The following FUT8 variants were observed in gnomAD, a reference collection of about 807,000 sequenced individuals.
The protein encoded by FUT8 is fucosyltransferase 8, also known as alpha-(1,6)-fucosyltransferase.
In FUT8, 29 loss-of-function variants were observed where a neutral mutation model predicts 71.3. The ratio of observed to expected loss-of-function variants is 0.41; its 90% CI spans 0.30 to 0.55. The LOEUF (loss-of-function observed/expected upper bound fraction) is 0.55, where lower values mean the gene tolerates loss of function less well. FUT8 is among the 20% of genes least tolerant of loss of function. The pLI is 0.34. For synonymous variants in FUT8, 254 were observed against 239.3 expected (o/e 1.06, Z -0.57); for missense variants, 544 against 702.1 (o/e 0.77, Z 2.55).
chr14:65,622,936 GTCTC>G (rs1889701447), intron 5 of FUT8, among the ~76,000 whole-genome samples: 1 of 137,776 alleles, frequency 7.3e-6, no homozygotes, highest in Admixed American at 7.7e-5. Context: ...TTGAGGCAGT[GTCTC>G]TCTCTGTCAC....
intron 2 of FUT8, among the ~76,000 whole-genome samples, chr14:65,539,934 T>TA (rs1222905135): frequency 6.6e-6 from 1 of 152,182 alleles, no homozygotes; most frequent in East Asian, 1.9e-4. Context: ...GTAACTTGTA[T>TA]AAAACATATT....
chr14:65,439,954 G>GTGTACGTGTATATATA, intron 1 of FUT8, among the ~76,000 whole-genome samples: 1 of 74,984 alleles, frequency 1.3e-5, no homozygotes, highest in Non-Finnish European at 2.5e-5. Context: ...GTGTGTGTGT[G>GTGTACGTGTATATATA]TATATATATA....
chr14:65,416,038 C>T lies in FUT8; in HGVS notation c.-326+2824C>T, dbSNP rs2065214930. 2.0e-5 allele frequency among the ~76,000 whole-genome samples: 3 copies of T among 152,220 alleles called. No homozygotes were observed. In the South Asian group the frequency reaches 6.2e-4, roughly 32 times the overall value. ...GGGCTGTTTATTATCCATAGCTCTT[C>T]ATTATGTAAATAGAATCTCAATGCT... On this transcript the variant is annotated intron_variant, in intron 1 of 10. Transcript: ENST00000673929.
chr14:65,469,301 A>G (rs996312828), intron 2 of FUT8, among the ~76,000 whole-genome samples: 1 of 152,208 alleles, frequency 6.6e-6, no homozygotes, highest in Non-Finnish European at 1.5e-5. Flanking sequence ...TTGCCTTTAT[A>G]GTGCCTCATA....
intron 2 of FUT8, among the ~76,000 whole-genome samples, chr14:65,523,489 G>A (rs911591171): frequency 7.2e-5 from 11 of 152,062 alleles, no homozygotes; most frequent in African/African-American, 2.4e-4. Context: ...TTGTCAGATG[G>A]GTAGATTGCA....
the FUT8 span, among the ~76,000 whole-genome samples, chr14:65,393,449 G>A: frequency 3.3e-5 from 5 of 152,314 alleles, no homozygotes; most frequent in South Asian, 6.2e-4. Flanking sequence ...GGAGCTCTTC[G>A]CCTCATGCCA....
At chr14:65,699,348 A>G (rs1894170120) in intron 7 of FUT8, among the ~76,000 whole-genome samples, 1 of 152,162 alleles carries the variant, frequency 6.6e-6, no homozygotes, top group Admixed American at 6.5e-5. Flanking sequence ...ACTGGTCTGG[A>G]TTCTGACTCC....
At position 65,527,962 on chromosome 14, in the gene FUT8, G is replaced by C. The variant is rs766820006; in HGVS notation, c.-227-33375G>C. 3.3e-5 allele frequency among the ~76,000 whole-genome samples: 5 copies of C among 152,290 alleles called. No individual in the cohort carries two copies. In the East Asian group the frequency reaches 7.7e-4, roughly 24 times the overall value. ...TGTGAGGTGTCAGTCTGCCCCTACTGGGGGGTGCCTCCCAGTTAGGCTACT... is the reference window on the plus strand; with the variant it reads ...TGTGAGGTGTCAGTCTGCCCCTACTCGGGGGTGCCTCCCAGTTAGGCTACT... On this transcript the variant is annotated intron_variant, in intron 2 of 10. Transcript: ENST00000673929.
At chr14:65,602,225 A>G (rs1179445305) in intron 3 of FUT8, among the ~76,000 whole-genome samples, 1 of 148,812 alleles carries the variant, frequency 6.7e-6, no homozygotes, top group Non-Finnish European at 1.5e-5. Context: ...AGAACATAGG[A>G]TGTTTGGTTT....
At chr14:65,446,698 T>C (rs2065746945) in intron 1 of FUT8, among the ~76,000 whole-genome samples, 1 of 123,026 alleles carries the variant, frequency 8.1e-6, no homozygotes, top group African/African-American at 3.0e-5. Context: ...TTTTTTAACA[T>C]GTTTAGATTT....
chr14:65,673,606 A>C (rs905241439), intron 7 of FUT8, among the ~76,000 whole-genome samples: 1 of 152,216 alleles, frequency 6.6e-6, no homozygotes, highest in Non-Finnish European at 1.5e-5. Flanking sequence ...ACATGTAAAA[A>C]GACAGGCAAG....
chr14:65,596,906 G>T (rs543777807), intron 3 of FUT8, among the ~76,000 whole-genome samples: 1 of 152,126 alleles, frequency 6.6e-6, no homozygotes, highest in Non-Finnish European at 1.5e-5. Flanking sequence ...AGCATAATTC[G>T]TAAGAGGAAG....
the FUT8 span, among the ~76,000 whole-genome samples, chr14:65,392,491 G>A: frequency 5.9e-5 from 9 of 152,096 alleles, no homozygotes; most frequent in Non-Finnish European, 8.8e-5. Flanking sequence ...AAAATTTCTG[G>A]TGCTGTTGCC....
At chr14:65,486,783 G>T (rs1411239338) in intron 2 of FUT8, among the ~76,000 whole-genome samples, 2 of 152,184 alleles carry the variant, frequency 1.3e-5, no homozygotes, top group African/African-American at 4.8e-5. Flanking sequence ...TATCCCGAGG[G>T]TTGTAGTGAG....
intron 1 of FUT8, among the ~76,000 whole-genome samples, chr14:65,444,087 C>G (rs1484737130): frequency 6.6e-6 from 1 of 152,142 alleles, no homozygotes; most frequent in Non-Finnish European, 1.5e-5. Context: ...GAAAAGACAT[C>G]AAGCTTAGTT....
intron 2 of FUT8, among the ~76,000 whole-genome samples, chr14:65,539,600 G>A (rs1268835490): frequency 6.6e-6 from 1 of 151,992 alleles, no homozygotes; most frequent in Non-Finnish European, 1.5e-5. Context: ...GGATAATATG[G>A]GTACTTATTT....
At chr14:65,368,123 G>C in the FUT8 span, among the ~76,000 whole-genome samples, 4 of 146,104 alleles carry the variant, frequency 2.7e-5, no homozygotes, top group Admixed American at 2.1e-4. Context: ...GTGCGATCTC[G>C]GCTTACTGCA....
intron 7 of FUT8, among the ~76,000 whole-genome samples, chr14:65,682,013 A>G (rs1004446643): frequency 1.3e-5 from 2 of 152,218 alleles, no homozygotes; most frequent in Non-Finnish European, 2.9e-5. Flanking sequence ...TGACAGAGAC[A>G]TATGTGGCCT....
intron 10 of FUT8, among the ~76,000 whole-genome samples, chr14:65,740,472 A>G (rs1896441728): frequency 6.6e-6 from 1 of 152,050 alleles, no homozygotes; most frequent in African/African-American, 2.4e-5. Context: ...AGGCATCTCC[A>G]TTTGTATTAG....
Sources: allele counts gnomAD v4.1 joint callset (sites outside exome capture counted in the v4.1 genomes callset), GRCh38; gene constraint gnomAD v4.1.1; transcripts MANE v1.5; gene names NCBI Gene and HGNC (gene_info 2026-07-23, HGNC 2026-07-21).